WT1: variants seen among roughly 807,000 people sequenced by gnomAD.
WT1 encodes the protein Wilms tumor protein.
Under a neutral mutation model 60.8 loss-of-function variants are expected in WT1, and 8 were observed. The observed-to-expected ratio is 0.13, with a 90% CI of 0.08 to 0.24. WT1 has a LOEUF of 0.24. Ranked by LOEUF, WT1 falls within the 10% of genes least tolerant of loss-of-function variation. WT1 has a pLI of 1.00. For synonymous variants in WT1, 312 were observed against 297.1 expected, an observed-to-expected ratio of 1.05 and a Z score of -0.52; for missense variants, 568 against 711.8, an observed-to-expected ratio of 0.80 and a Z score of 2.30.
At chr11:32,392,465 G>C (rs1298177699) in intron 8 of WT1, among the ~76,000 whole-genome samples, 3 of 152,214 alleles carry the variant, frequency 2.0e-5, no homozygotes, top group Non-Finnish European at 4.4e-5. Flanking sequence ...GTGGTTTGCA[G>C]GGGAAATGTG....
intron 1 of WT1, 86 bp from the exon 2 acceptor site, chr11:32,428,705 G>T (rs1177821348): frequency 9.7e-6 from 15 of 1,546,854 alleles, no homozygotes; most frequent in East Asian, 2.4e-5. Context: ...GGGCGGGGGG[G>T]GTGTGCGCTG....
chr11:32,415,090 TTA>T (rs1852622085), intron 5 of WT1, among the ~76,000 whole-genome samples: 2 of 152,298 alleles, frequency 1.3e-5, no homozygotes, highest in South Asian at 4.1e-4. Flanking sequence ...CGAAATTATC[TTA>T]ACCATGGAAA....
chr11:32,391,531 G>C (rs1254693626), intron 9 of WT1, among the ~76,000 whole-genome samples: 1 of 152,176 alleles, frequency 6.6e-6, no homozygotes, highest in Non-Finnish European at 1.5e-5. Flanking sequence ...ACCGCTCCTG[G>C]TGCATTAACT....
At chr11:32,419,162 C>G (rs1407835746) in intron 3 of WT1, among the ~76,000 whole-genome samples, 1 of 152,192 alleles carries the variant, frequency 6.6e-6, no homozygotes, top group Non-Finnish European at 1.5e-5. Context: ...TGCTGTAAGG[C>G]TGGAGTAATT....
intron 5 of WT1, among the ~76,000 whole-genome samples, chr11:32,404,028 C>T (rs1852236218): frequency 6.6e-6 from 1 of 152,008 alleles, no homozygotes. Flanking sequence ...AATCCCAGCA[C>T]TTTGGGAGGC....
At chr11:32,424,227 C>A (rs1029232659) in intron 3 of WT1, among the ~76,000 whole-genome samples, 3 of 151,178 alleles carry the variant, frequency 2.0e-5, no homozygotes, top group Admixed American at 6.6e-5. Context: ...GGGAATCCTG[C>A]GTGGTCTGGT....
chr11:32,416,590 T>TGGGG, intron 4 of WT1, 50 bp from the exon 5 acceptor site: 1 of 1,609,798 alleles, frequency 6.2e-7, no homozygotes, highest in Non-Finnish European at 8.5e-7. Flanking sequence ...TGCATGGATC[T>TGGGG]GGCAAGCCCC....
chr11:32,398,349 G>A (rs78172436), intron 6 of WT1, among the ~76,000 whole-genome samples: 2,873 of 152,258 alleles, frequency 0.019, 66 homozygotes, highest in Middle Eastern at 0.095. Context: ...ATGTTTATAA[G>A]CCATAAATGA....
intron 5 of WT1, among the ~76,000 whole-genome samples, chr11:32,405,930 C>T (rs1852295763): frequency 6.6e-6 from 1 of 152,146 alleles, no homozygotes; most frequent in Non-Finnish European, 1.5e-5. Flanking sequence ...TTAACCCCAC[C>T]CTACAGGTTC....
intron 3 of WT1, among the ~76,000 whole-genome samples, chr11:32,425,338 A>G (rs1354541949): frequency 6.6e-6 from 1 of 152,120 alleles, no homozygotes; most frequent in Non-Finnish European, 1.5e-5. Flanking sequence ...GAAAAAATGA[A>G]TGAAACCAGG....
At position 32,428,732 on chromosome 11, in the gene WT1, C is replaced by A. The variant is rs1853159447; in HGVS notation, c.662-113G>T. On this transcript the variant is annotated intron_variant, in intron 1 of 9. Coordinates refer to ENST00000452863, the MANE Select transcript of WT1 (RefSeq NM_024426.6). Reference sequence around the variant, plus strand: ...TGTGCGCTGAACCCCGCATTCGGACCCCCAGCGGAGGAGAATCCAGCCCCA... The same window carrying A: ...TGTGCGCTGAACCCCGCATTCGGACACCCAGCGGAGGAGAATCCAGCCCCA... 11 of 1,507,674 alleles carry A rather than the reference C, an allele frequency of 7.3e-6. No homozygotes were observed. The East Asian group carries it at 2.7e-4, about 37-fold the overall frequency. 93.4% of individuals were successfully genotyped at this position (1,507,674 alleles called of 1,614,324 possible).
In WT1 at chr11:32,435,225, C is replaced by T. The variant is rs886048233; in HGVS notation, c.136G>A (p.Ala46Thr). 3 of 1,535,502 alleles carry T rather than the reference C, an allele frequency of 2.0e-6. No homozygotes were observed. The highest frequency in any genetic ancestry group is 2.6e-6 in the Non-Finnish European group (3 of 1,146,896). ...CTGGCCTCGGCGGCGCCTAACTTGG[C>T]CCAGATGCCGCCCGGGTCCCGGACT... The change falls in exon 1 of 10, where the codon GCC becomes ACC. Residue 46 changes from alanine to threonine, a missense_variant. Around this residue, in one of 3 missense-constraint regions of WT1, gnomAD observed 523 missense variants for 565.1 expected, o/e 0.93. Transcript: ENST00000452863.
At chr11:32,408,136 T>A (rs1031425142) in intron 5 of WT1, among the ~76,000 whole-genome samples, 1 of 148,946 alleles carries the variant, frequency 6.7e-6, no homozygotes, top group East Asian at 2.0e-4. Flanking sequence ...GGCAGGGGAA[T>A]CGCTTGAACC....
intron 7 of WT1, among the ~76,000 whole-genome samples, chr11:32,393,672 T>G (rs1425003176): frequency 1.3e-5 from 2 of 152,232 alleles, no homozygotes; most frequent in African/African-American, 4.8e-5. Context: ...CTCCTTGCAC[T>G]CTGCTCACAC....
At chr11:32,420,104 G>T (rs991116717) in intron 3 of WT1, among the ~76,000 whole-genome samples, 1 of 152,122 alleles carries the variant, frequency 6.6e-6, no homozygotes, top group Non-Finnish European at 1.5e-5. Context: ...GTCTAATATG[G>T]TATACACTGG....
In WT1 at chr11:32,434,881, C is replaced by G. The variant is rs758900425; in HGVS notation, c.480G>C (p.Gln160His). 7.4e-6 allele frequency: 12 copies of G among 1,612,438 alleles called. No individual in the cohort carries two copies. The East Asian group carries it at 2.7e-4, about 36-fold the overall frequency. The change falls in exon 1 of 10, where the codon CAG becomes CAC. Residue 160 changes from glutamine to histidine, a missense_variant. Gln to His is a conservative substitution (Grantham distance 24). Transcript: ENST00000452863. ...AGTGGACAGTGAAGGCGCTCAGGCA[C>G]TGCTCCTCGTGCGGCTCCGCGCCGC...
intron 5 of WT1, among the ~76,000 whole-genome samples, chr11:32,403,194 G>A (rs1055441361): frequency 6.6e-6 from 1 of 151,728 alleles, no homozygotes; most frequent in African/African-American, 2.4e-5. Context: ...TGGGGACTTG[G>A]GTCTCCAAAG....
intron 9 of WT1, among the ~76,000 whole-genome samples, 167 bp downstream of exon 9, chr11:32,391,805 A>C (rs942310781): frequency 6.6e-6 from 1 of 152,160 alleles, no homozygotes; most frequent in African/African-American, 2.4e-5. Flanking sequence ...TCTTTAAAAA[A>C]TGTTATTATT....
At chr11:32,416,448 G>C (rs765923808) in intron 5 of WT1, 42 bp downstream of exon 5, 2 of 1,613,438 alleles carry the variant, frequency 1.2e-6, no homozygotes, top group African/African-American at 1.3e-5. Context: ...AGTCAGCAAG[G>C]CCTACGCCAT....
Sources: allele counts gnomAD v4.1 joint callset (sites outside exome capture counted in the v4.1 genomes callset), GRCh38; gene constraint gnomAD v4.1.1; regional missense constraint gnomAD v4.1.1; transcripts MANE v1.5; gene names NCBI Gene and HGNC (gene_info 2026-07-23, HGNC 2026-07-21).